CASQ2: variants seen among roughly 807,000 people sequenced by gnomAD.
CASQ2 encodes calsequestrin 2, also known as calsequestrin-2.
In CASQ2, 49 loss-of-function variants were observed where a neutral mutation model predicts 46.5. The observed-to-expected ratio is 1.05, with a 90% CI of 0.84 to 1.34. The LOEUF is 1.34. CASQ2 is among the 40% of genes most tolerant of loss of function. The probability of loss-of-function intolerance (pLI) is 0.00; values close to 1 mark genes in which losing one functional copy is unlikely to be tolerated. For synonymous variants in CASQ2, 174 were observed against 168.5 expected (o/e 1.03, Z -0.25); for missense variants, 486 against 481.3 (o/e 1.01, Z -0.09).
At chr1:115,757,389 A>T (rs764654547) in intron 1 of CASQ2, among the ~76,000 whole-genome samples, 27 of 152,220 alleles carry the variant, frequency 1.8e-4, no homozygotes, top group Non-Finnish European at 2.8e-4. Context: ...AAGCCAAACC[A>T]AAATAAGTCT....
intron 7 of CASQ2, among the ~76,000 whole-genome samples, chr1:115,718,785 C>G (rs981508781): frequency 5.3e-5 from 8 of 152,170 alleles, no homozygotes; most frequent in Non-Finnish European, 1.0e-4. Context: ...CCCTGGGCAG[C>G]AAGGACCCTA....
At chr1:115,725,217 C>A (rs984452209) in intron 7 of CASQ2, among the ~76,000 whole-genome samples, 1 of 152,034 alleles carries the variant, frequency 6.6e-6, no homozygotes, top group African/African-American at 2.4e-5. Context: ...CAGGCACATG[C>A]GACCATGCTC....
Position 115,713,592 on chromosome 1 carries a change from G to A in CASQ2, c.838+4248C>T, listed in dbSNP as rs551891524. Reference sequence around the variant, plus strand: ...GTGGTTGGGGCAGCTGGATCACTGGGACATGTGGTTGTTGCTGCTGTGTAA... The same window carrying A: ...GTGGTTGGGGCAGCTGGATCACTGGAACATGTGGTTGTTGCTGCTGTGTAA... On this transcript the variant is annotated intron_variant, in intron 8 of 10. Transcript: ENST00000261448. 1.1e-4 allele frequency among the ~76,000 whole-genome samples: 16 copies of A among 152,322 alleles called. No individual in the cohort carries two copies. In the East Asian group the frequency reaches 2.9e-3, roughly 28 times the overall value.
intron 8 of CASQ2, 80 bp from the exon 9 acceptor site, chr1:115,705,372 A>G: frequency 2.2e-6 from 2 of 903,862 alleles, no homozygotes; most frequent in South Asian, 2.8e-5. Flanking sequence ...TGATTTTTCC[A>G]CGAGGACTTC....
intron 3 of CASQ2, among the ~76,000 whole-genome samples, chr1:115,739,897 A>G (rs985218115): frequency 1.4e-4 from 21 of 152,160 alleles, no homozygotes; most frequent in Admixed American, 3.9e-4. Context: ...GCTGTCCCAG[A>G]GTTGTTCTGT....
intron 1 of CASQ2, among the ~76,000 whole-genome samples, chr1:115,759,673 T>C (rs1360002710): frequency 6.6e-6 from 1 of 152,248 alleles, no homozygotes; most frequent in Non-Finnish European, 1.5e-5. Flanking sequence ...AGAATTAATA[T>C]TTCTATTCAG....
At chr1:115,701,574 C>T (rs552704893) in intron 10 of CASQ2, 148 bp from the exon 11 acceptor site, 38 of 697,638 alleles carry the variant, frequency 5.4e-5, no homozygotes, top group East Asian at 3.2e-4. Flanking sequence ...AAATGCCAAA[C>T]GGCAAAACGG....
At chr1:115,764,943 G>T (rs1649084185) in intron 1 of CASQ2, among the ~76,000 whole-genome samples, 1 of 152,020 alleles carries the variant, frequency 6.6e-6, no homozygotes, top group Non-Finnish European at 1.5e-5. Context: ...GACTAAGTAG[G>T]GACAAAAATC....
At chr1:115,760,200 T>G (rs1648890626) in intron 1 of CASQ2, among the ~76,000 whole-genome samples, 1 of 152,158 alleles carries the variant, frequency 6.6e-6, no homozygotes, top group Non-Finnish European at 1.5e-5. Context: ...GAATGAATGA[T>G]CCAAAGGTCA....
chr1:115,755,751 C>G (rs1199530003), intron 1 of CASQ2, among the ~76,000 whole-genome samples: 6 of 152,350 alleles, frequency 3.9e-5, no homozygotes, highest in Non-Finnish European at 5.9e-5. Context: ...GTGCCCATCA[C>G]TTCACACATG....
intron 1 of CASQ2, among the ~76,000 whole-genome samples, chr1:115,763,433 G>A (rs1041821371): frequency 1.3e-5 from 2 of 152,026 alleles, no homozygotes; most frequent in Non-Finnish European, 2.9e-5. Flanking sequence ...GAGGAGGAGT[G>A]AATAAGCAAT....
At chr1:115,750,193 A>G (rs769745684) in intron 1 of CASQ2, among the ~76,000 whole-genome samples, 7 of 152,258 alleles carry the variant, frequency 4.6e-5, no homozygotes, top group Admixed American at 2.0e-4. Context: ...AAAGAGTTAC[A>G]TACGTGAGAA....
chr1:115,742,972 T>C (rs973403341), intron 2 of CASQ2, among the ~76,000 whole-genome samples: 8 of 151,786 alleles, frequency 5.3e-5, no homozygotes, highest in Non-Finnish European at 8.8e-5. Context: ...GTATTTTTAG[T>C]AGAGACGGGG....
intron 1 of CASQ2, among the ~76,000 whole-genome samples, chr1:115,765,063 C>T (rs973926332): frequency 1.3e-5 from 2 of 152,200 alleles, no homozygotes; most frequent in Admixed American, 1.3e-4. Flanking sequence ...TAAATTCCTA[C>T]TCATTTCACA....
intron 1 of CASQ2, among the ~76,000 whole-genome samples, chr1:115,766,724 C>G (rs71666764): frequency 0.11 from 16,844 of 151,990 alleles, 1,030 homozygotes; most frequent in South Asian, 0.24. Flanking sequence ...TTTTCCTTAT[C>G]GGTCTCTGCT....
At chr1:115,758,219 A>T (rs1438236112) in intron 1 of CASQ2, among the ~76,000 whole-genome samples, 2 of 152,184 alleles carry the variant, frequency 1.3e-5, no homozygotes, top group South Asian at 4.1e-4. Flanking sequence ...TAGCTTTGTG[A>T]GTTTAGGCAA....
At chr1:115,705,661 C>CA (rs1443381206) in intron 8 of CASQ2, among the ~76,000 whole-genome samples, 1 of 152,186 alleles carries the variant, frequency 6.6e-6, no homozygotes, top group Non-Finnish European at 1.5e-5. Context: ...TTGCTGTCCC[C>CA]TAGAGTCCCC....
At chr1:115,712,508 C>T (rs2999463) in intron 8 of CASQ2, among the ~76,000 whole-genome samples, 89,542 of 152,026 alleles carry the variant, frequency 0.59, 26,888 homozygotes, top group African/African-American at 0.7. Context: ...TTAACTTCTT[C>T]GTCCCTGTAC....
chr1:115,731,867 C>T (rs552759705), intron 5 of CASQ2, among the ~76,000 whole-genome samples: 5 of 152,292 alleles, frequency 3.3e-5, no homozygotes, highest in Admixed American at 1.3e-4. Context: ...AAAGAGACTT[C>T]TTAGCACAGA....
Sources: allele counts gnomAD v4.1 joint callset (sites outside exome capture counted in the v4.1 genomes callset), GRCh38; gene constraint gnomAD v4.1.1; transcripts MANE v1.5; gene names NCBI Gene and HGNC (gene_info 2026-07-23, HGNC 2026-07-21).